NSMAF: variants seen among roughly 807,000 people sequenced by gnomAD.
NSMAF encodes the protein neutral sphingomyelinase activation associated factor.
In NSMAF, 90 loss-of-function variants were observed where a neutral mutation model predicts 134.9. The ratio of observed to expected loss-of-function variants is 0.67; its 90% CI spans 0.56 to 0.79. The LOEUF (loss-of-function observed/expected upper bound fraction) is 0.79, where lower values mean the gene tolerates loss of function less well. Among genes scored for constraint, NSMAF ranks in the 30% least tolerant of loss-of-function variants. NSMAF has a pLI of 0.00. For synonymous variants in NSMAF, 358 were observed against 389.6 expected, an observed-to-expected ratio of 0.92 and a Z score of 0.96; for missense variants, 1,010 against 1,119.0, an observed-to-expected ratio of 0.90 and a Z score of 1.39.
chr8:58,640,592 C>G (rs78087465), intron 2 of NSMAF, among the ~76,000 whole-genome samples: 4,118 of 152,186 alleles, frequency 0.027, 204 homozygotes, highest in African/African-American at 0.093. Flanking sequence ...TTTTCAACTT[C>G]TTTGCAATAC....
chr8:58,586,023 G>T, intron 28 of NSMAF, 23 bp from the exon 29 acceptor site: 1 of 1,529,192 alleles, frequency 6.5e-7, no homozygotes, highest in Non-Finnish European at 9.1e-7. Flanking sequence ...GTGAGACTCA[G>T]ATATGAGTGA....
rs186480407 is a variant in NSMAF at position 58,637,402 on chromosome 8, T to C, written c.150-1856A>G. 1.3e-5 allele frequency: 6 copies of C among 456,136 alleles called. No homozygotes were observed. In the East Asian group the frequency reaches 3.5e-4, roughly 26 times the overall value. 28.3% of individuals were successfully genotyped at this position (456,136 alleles called of 1,614,324 possible). A position where few individuals can be genotyped will look rare whatever the true frequency, so the allele number is the denominator to read the frequency against. The stretch of plus-strand genomic sequence containing the variant: ...GTTATTTCTAGGCCTTTTCAAAAGA[T>C]AGAGGTAAGAAATACTGTCATTTAA... On this transcript the variant is annotated intron_variant, in intron 2 of 30. Coordinates refer to ENST00000038176, the MANE Select transcript of NSMAF (RefSeq NM_003580.4).
chr8:58,585,187 A>G (rs907605490), intron 30 of NSMAF, among the ~76,000 whole-genome samples: 4 of 152,200 alleles, frequency 2.6e-5, no homozygotes, highest in African/African-American at 9.6e-5. Context: ...TAAACAATTT[A>G]ATACACATAT....
chr8:58,628,982 C>T (rs1806997713), intron 6 of NSMAF, among the ~76,000 whole-genome samples: 1 of 152,174 alleles, frequency 6.6e-6, no homozygotes, highest in African/African-American at 2.4e-5. Flanking sequence ...TTAACTCTTA[C>T]TTCTGATAAT....
At position 58,599,743 on chromosome 8, in the gene NSMAF, GA is replaced by G. The variant is rs1563527040; in HGVS notation, c.1453+6del. The stretch of plus-strand genomic sequence containing the variant: ...CTATAATACAACACCTCCAAGGGGG[GA>G]CTCACTGGAAGCCCAAGGGGGAAGC... On this transcript the variant is annotated splice_donor_region_variant and intron_variant, in intron 18 of 30. Transcript: ENST00000038176. 2 of 1,613,118 alleles carry G rather than the reference GA, an allele frequency of 1.2e-6. No homozygotes were observed.
At chr8:58,655,830 C>T (rs1807693705) in intron 1 of NSMAF, among the ~76,000 whole-genome samples, 1 of 151,634 alleles carries the variant, frequency 6.6e-6, no homozygotes, top group African/African-American at 2.4e-5. Flanking sequence ...TGGCGTGAAC[C>T]CGGGAGGCGG....
intron 1 of NSMAF, among the ~76,000 whole-genome samples, chr8:58,645,819 T>G (rs1192374342): frequency 6.6e-6 from 1 of 152,122 alleles, no homozygotes; most frequent in Non-Finnish European, 1.5e-5. Flanking sequence ...GGCGGGCGGT[T>G]TGCCTGAGGT....
intron 10 of NSMAF, among the ~76,000 whole-genome samples, chr8:58,608,421 G>A (rs1806455978): frequency 6.6e-6 from 1 of 152,144 alleles, no homozygotes; most frequent in Admixed American, 6.5e-5. Context: ...GTTTAAAAAG[G>A]CAGAGATTGG....
chr8:58,633,739 C>T (rs760696847), intron 5 of NSMAF, among the ~76,000 whole-genome samples: 4 of 152,152 alleles, frequency 2.6e-5, no homozygotes, highest in Non-Finnish European at 5.9e-5. Flanking sequence ...AAATATAAAG[C>T]ACCGTACTAT....
intron 21 of NSMAF, among the ~76,000 whole-genome samples, chr8:58,596,930 C>CAA (rs538263469): frequency 0.012 from 795 of 64,352 alleles, 13 homozygotes; most frequent in African/African-American, 0.033. Flanking sequence ...GACTCCGTCT[C>CAA]AAAAAAAAAA....
At position 58,635,341 on chromosome 8, in the gene NSMAF, T is replaced by C; in HGVS notation, c.260A>G (p.Lys87Arg). The change falls in exon 4 of 31, where the codon AAG (lysine) becomes AGG (arginine). Residue 87 changes from lysine (K) to arginine (R), a missense_variant. By Grantham distance (26) the Lys-to-Arg change is conservative. Coordinates refer to ENST00000038176, the MANE Select transcript of NSMAF (RefSeq NM_003580.4). ...TCTATTGGCTCCATTTTCTCCATGCTTTCCTATTTTTATACAGTCTCTCAA... is the reference window on the plus strand; with the variant it reads ...TCTATTGGCTCCATTTTCTCCATGCCTTCCTATTTTTATACAGTCTCTCAA... ...IPLRDCIKIG[K>R]HGENGANRHF... is the part of the protein sequence containing the mutation. 6.2e-7 allele frequency: 1 copy of C among 1,608,774 alleles called. No homozygotes were observed. The highest frequency in any genetic ancestry group is 1.3e-5 in the African/African-American group (1 of 74,692).
chr8:58,652,343 T>C (rs1311636551), intron 1 of NSMAF, among the ~76,000 whole-genome samples: 1 of 152,170 alleles, frequency 6.6e-6, no homozygotes, highest in Non-Finnish European at 1.5e-5. Context: ...TATGATTGTG[T>C]TTAAGGCAAT....
At chr8:58,635,758 A>C (rs577744909) in intron 2 of NSMAF, among the ~76,000 whole-genome samples, 4 of 152,238 alleles carry the variant, frequency 2.6e-5, no homozygotes, top group Non-Finnish European at 5.9e-5. Flanking sequence ...AAATGTTAGA[A>C]AGTTTTTAAT....
intron 6 of NSMAF, among the ~76,000 whole-genome samples, chr8:58,629,125 T>C (rs1807001017): frequency 6.6e-6 from 1 of 152,160 alleles, no homozygotes; most frequent in South Asian, 2.1e-4. Context: ...ACACTTTCTG[T>C]TTCTTTCTCT....
chr8:58,646,978 T>C (rs1807470544), intron 1 of NSMAF, among the ~76,000 whole-genome samples: 1 of 152,226 alleles, frequency 6.6e-6, no homozygotes, highest in Admixed American at 6.5e-5. Flanking sequence ...TAAAGCCTAC[T>C]GTACAACACT....
rs148557673 is a variant in NSMAF at position 58,648,026 on chromosome 8, G to A, written c.60-4953C>T. ...AAACTTCTCAGAGACTGGTTAAATG[G>A]TTGTGACCAAAATACAGATAGGAAT... On this transcript the variant is annotated intron_variant, in intron 1 of 30. Coordinates refer to ENST00000038176, the MANE Select transcript of NSMAF (RefSeq NM_003580.4). Among the ~76,000 whole-genome samples the A allele has an allele frequency of 2.4e-3, 368 of 152,342 alleles. 1 individual carries two copies. The highest frequency in any genetic ancestry group is 8.5e-3 in the African/African-American group (352 of 41,576).
At chr8:58,607,575 C>A (rs1477074352) in intron 11 of NSMAF, among the ~76,000 whole-genome samples, 194 bp downstream of exon 11, 1 of 152,250 alleles carries the variant, frequency 6.6e-6, no homozygotes, top group Non-Finnish European at 1.5e-5. Context: ...AGAACCTCTT[C>A]TCTACATGAA....
chr8:58,647,671 A>G (rs965595354), intron 1 of NSMAF, among the ~76,000 whole-genome samples: 2 of 152,094 alleles, frequency 1.3e-5, no homozygotes, highest in Non-Finnish European at 2.9e-5. Context: ...GTCTCTTGCC[A>G]TGGGATACAC....
chr8:58,622,593 C>T (rs1806813303), intron 9 of NSMAF, among the ~76,000 whole-genome samples: 1 of 152,084 alleles, frequency 6.6e-6, no homozygotes, highest in African/African-American at 2.4e-5. Flanking sequence ...CAGGGTTTCA[C>T]TATTTTGGCC....
Sources: gnomAD v4.1 joint callset for allele counts (sites outside exome capture counted in the v4.1 genomes callset) on GRCh38, gnomAD v4.1.1 for gene constraint, MANE v1.5 for transcripts, NCBI Gene and HGNC (gene_info 2026-07-23, HGNC 2026-07-21) for gene names.